PATJ: variants seen among roughly 807,000 people sequenced by gnomAD.
PATJ encodes the protein inaD-like protein.
Under a neutral mutation model 224.9 loss-of-function variants are expected in PATJ, and 190 were observed. That is an observed-to-expected ratio of 0.84 (90% CI 0.75 to 0.95). PATJ has a LOEUF of 0.95. PATJ is among the 40% of genes least tolerant of loss of function. The pLI is 0.00. For missense variants in PATJ, 2,121 were observed against 2,270.3 expected (o/e 0.93, Z 1.34); for synonymous variants, 769 against 820.3 (o/e 0.94, Z 1.07).
intron 27 of PATJ, among the ~76,000 whole-genome samples, chr1:61,986,885 A>G (rs1644790698): frequency 6.6e-6 from 1 of 151,434 alleles, no homozygotes; most frequent in African/African-American, 2.4e-5. Flanking sequence ...TATCTTTGCT[A>G]TTTTCTGTCT....
At chr1:61,774,413 G>A (rs1646803957) in intron 6 of PATJ, among the ~76,000 whole-genome samples, 1 of 152,204 alleles carries the variant, frequency 6.6e-6, no homozygotes. Flanking sequence ...CTGCTAGTTA[G>A]AGGGGAAACA....
At chr1:61,910,610 A>G (rs1247536074) in intron 25 of PATJ, among the ~76,000 whole-genome samples, 1 of 128,392 alleles carries the variant, frequency 7.8e-6, no homozygotes, top group Non-Finnish European at 1.6e-5. Context: ...GCAGTGGCAC[A>G]ATCATGACTC....
At chr1:62,038,822 CG>C (rs1349963933) in intron 30 of PATJ, 2 of 676,440 alleles carry the variant, frequency 3.0e-6, no homozygotes, top group African/African-American at 3.5e-5. Context: ...GGTTCTGGGC[CG>C]GGGTGGACGG....
chr1:61,997,085 C>T (rs1278967037), intron 28 of PATJ, among the ~76,000 whole-genome samples: 4 of 143,434 alleles, frequency 2.8e-5, no homozygotes, highest in Admixed American at 1.4e-4. Flanking sequence ...ATAAATTGAT[C>T]AAGTGTTCGA....
intron 23 of PATJ, 56 bp downstream of exon 23, chr1:61,899,710 T>C: frequency 1.7e-6 from 2 of 1,173,486 alleles, no homozygotes; most frequent in Non-Finnish European, 2.5e-6. Flanking sequence ...AGTTGCTCTT[T>C]TCTTTAACTT....
chr1:61,909,975 C>G (rs983263688), intron 25 of PATJ, among the ~76,000 whole-genome samples: 1 of 152,132 alleles, frequency 6.6e-6, no homozygotes, highest in African/African-American at 2.4e-5. Context: ...ATCATCAAGA[C>G]TAATTGAGAG....
At chr1:61,842,129 A>T (rs1478474926) in intron 17 of PATJ, among the ~76,000 whole-genome samples, 1 of 152,136 alleles carries the variant, frequency 6.6e-6, no homozygotes, top group Non-Finnish European at 1.5e-5. Flanking sequence ...ATGACGACTG[A>T]CTTCCAAAAA....
chr1:61,843,227 A>C (rs963794986), intron 17 of PATJ, among the ~76,000 whole-genome samples: 3 of 152,096 alleles, frequency 2.0e-5, no homozygotes, highest in Admixed American at 6.5e-5. Flanking sequence ...ATTTTATTTT[A>C]ATCTGATATT....
At chr1:61,834,098 T>C (rs1195596328) in intron 17 of PATJ, among the ~76,000 whole-genome samples, 1 of 152,196 alleles carries the variant, frequency 6.6e-6, no homozygotes. Context: ...ATCTTTCACA[T>C]ACCATAAAAT....
At chr1:61,744,751 T>C (rs1287417028) in intron 1 of PATJ, among the ~76,000 whole-genome samples, 1 of 152,146 alleles carries the variant, frequency 6.6e-6, no homozygotes, top group Non-Finnish European at 1.5e-5. Flanking sequence ...TGAAACTATT[T>C]ACCTGGGGAT....
At chr1:61,890,306 C>T (rs1018156216) in intron 22 of PATJ, among the ~76,000 whole-genome samples, 2 of 152,038 alleles carry the variant, frequency 1.3e-5, no homozygotes, top group Admixed American at 6.6e-5. Flanking sequence ...TAGTGAAAAC[C>T]TGCTGCTACA....
intron 8 of PATJ, among the ~76,000 whole-genome samples, chr1:61,788,488 G>T (rs909282246): frequency 6.6e-6 from 1 of 152,094 alleles, no homozygotes; most frequent in Non-Finnish European, 1.5e-5. Flanking sequence ...TTTAATAGAT[G>T]AGGAAAATAA....
chr1:61,896,669 A>G (rs571176710), intron 22 of PATJ, among the ~76,000 whole-genome samples: 148 of 152,236 alleles, frequency 9.7e-4, no homozygotes, highest in Admixed American at 1.8e-3. Context: ...CCCAAATTTC[A>G]TCTCAAATTG....
chr1:61,815,001 A>C (rs964972446), intron 14 of PATJ, among the ~76,000 whole-genome samples: 1 of 152,210 alleles, frequency 6.6e-6, no homozygotes, highest in Non-Finnish European at 1.5e-5. Flanking sequence ...TAGAGCTTAG[A>C]TTCTGCGATT....
At chr1:61,824,314 C>G (rs1657829814) in intron 15 of PATJ, among the ~76,000 whole-genome samples, 1 of 151,166 alleles carries the variant, frequency 6.6e-6, no homozygotes, top group Non-Finnish European at 1.5e-5. Context: ...ATCCACCCAC[C>G]TCAGTCTCCC....
chr1:61,754,962 A>T (rs1012099410), intron 1 of PATJ, among the ~76,000 whole-genome samples: 1 of 151,984 alleles, frequency 6.6e-6, no homozygotes, highest in African/African-American at 2.4e-5. Flanking sequence ...ACCAAGGGAT[A>T]CTCCAGAATG....
chr1:61,791,388 G>A lies in PATJ; in HGVS notation c.1109G>A (p.Arg370Lys). 2 of 1,612,488 alleles carry A rather than the reference G, an allele frequency of 1.2e-6. No individual in the cohort carries two copies. Among genetic ancestry groups the A allele is most frequent in the Non-Finnish European group, 1.7e-6 (2 of 1,178,728 alleles). The change falls in exon 9 of 44, where the codon AGA becomes AAA. Residue 370 changes from arginine to lysine, a missense_variant. Transcript: ENST00000642238. Reference protein sequence around the residue: ...LFETYNVELVRKDGQSLGIRI... With the variant: ...LFETYNVELVKKDGQSLGIRI... ...GAAACTTATAATGTTGAGCTTGTGA[G>A]AAAAGATGGGCAGAGTCTTGGAATT...
At chr1:62,122,800 G>A (rs541015482) in intron 38 of PATJ, among the ~76,000 whole-genome samples, 15 of 151,862 alleles carry the variant, frequency 9.9e-5, no homozygotes, top group African/African-American at 2.9e-4. Context: ...CTCCAGCCTG[G>A]GTGACAAAGC....
At chr1:61,853,730 T>G (rs1481965883) in intron 17 of PATJ, among the ~76,000 whole-genome samples, 1 of 152,238 alleles carries the variant, frequency 6.6e-6, no homozygotes, top group Non-Finnish European at 1.5e-5. Flanking sequence ...CCTGCTGATA[T>G]GCCACTGTAC....
Sources: allele counts gnomAD v4.1 joint callset (sites outside exome capture counted in the v4.1 genomes callset), GRCh38; gene constraint gnomAD v4.1.1; transcripts MANE v1.5; gene names NCBI Gene and HGNC (gene_info 2026-07-23, HGNC 2026-07-21).